The following DOCK9 variants were observed in gnomAD, a reference collection of about 807,000 sequenced individuals.
The protein encoded by DOCK9 is dedicator of cytokinesis protein 9.
A neutral mutation model predicts 263.3 loss-of-function variants in DOCK9; 89 were observed. The observed-to-expected ratio is 0.34, with a 90% CI of 0.28 to 0.40. DOCK9 has a LOEUF of 0.40. Among genes scored for constraint, DOCK9 ranks in the 10% least tolerant of loss-of-function variants. DOCK9 has a pLI of 1.00. For synonymous variants in DOCK9, 976 were observed against 973.1 expected (o/e 1.00, Z -0.06); for missense variants, 2,140 against 2,603.4 (o/e 0.82, Z 3.87).
At chr13:99,079,115 T>C (rs918745385) in intron 1 of DOCK9, among the ~76,000 whole-genome samples, 1 of 152,264 alleles carries the variant, frequency 6.6e-6, no homozygotes. Context: ...ACAGCTTATG[T>C]CCATGTGAAT....
intron 1 of DOCK9, among the ~76,000 whole-genome samples, chr13:99,011,742 C>T (rs1026819994): frequency 3.3e-5 from 5 of 152,060 alleles, no homozygotes; most frequent in African/African-American, 9.7e-5. Flanking sequence ...AGTAAATTAC[C>T]CAAAGTCACA....
In DOCK9 at chr13:99,013,873, C is replaced by T. The variant is rs553037825; in HGVS notation, c.130-58322G>A. On this transcript the variant is annotated intron_variant, in intron 1 of 32. Transcript: ENST00000427887. ...TCGTTTTCAGAGGGCCACTCTGCTG[C>T]GTGCAGAAGAGGTCCCAGAGGGCAA... Among the ~76,000 whole-genome samples, 149 of 152,278 alleles carry T rather than the reference C, an allele frequency of 9.8e-4. 2 individuals are homozygous for T. Among genetic ancestry groups the T allele is most frequent in the African/African-American group, 3.4e-3 (142 of 41,550 alleles).
At chr13:99,009,084 T>C (rs982943578) in intron 1 of DOCK9, among the ~76,000 whole-genome samples, 3 of 152,232 alleles carry the variant, frequency 2.0e-5, no homozygotes, top group African/African-American at 7.2e-5. Flanking sequence ...GTTTCTACAA[T>C]AAGTGTGCAT....
At chr13:98,811,713 T>C (rs1481468583) in intron 45 of DOCK9, among the ~76,000 whole-genome samples, 2 of 152,242 alleles carry the variant, frequency 1.3e-5, no homozygotes, top group Admixed American at 6.5e-5. Flanking sequence ...TATGCCTATG[T>C]CTAGGTTTTC....
intron 23 of DOCK9, 132 bp from the exon 24 acceptor site, chr13:98,882,139 T>C (rs183478361): frequency 2.8e-4 from 203 of 733,716 alleles, no homozygotes; most frequent in Admixed American, 1.5e-3. Flanking sequence ...GGGCAGAATG[T>C]CCCCAGAGGC....
chr13:98,812,080 G>C (rs1003518867), intron 45 of DOCK9, among the ~76,000 whole-genome samples: 2 of 139,212 alleles, frequency 1.4e-5, no homozygotes, highest in Non-Finnish European at 3.0e-5. Flanking sequence ...TGGACTCTCT[G>C]TTTTGTTCCA....
At chr13:98,989,751 G>T (rs1220381787) in intron 1 of DOCK9, among the ~76,000 whole-genome samples, 9 of 152,140 alleles carry the variant, frequency 5.9e-5, no homozygotes, top group South Asian at 4.1e-4. Context: ...GGTAGACGTT[G>T]ACTCATTAAT....
At chr13:98,957,373 GATTTAAC>G (rs2058173081) in intron 1 of DOCK9, among the ~76,000 whole-genome samples, 1 of 152,036 alleles carries the variant, frequency 6.6e-6, no homozygotes, top group Admixed American at 6.6e-5. Flanking sequence ...CCAATTACTT[GATTTAAC>G]AACACTCTAC....
chr13:99,012,114 C>T (rs960936479), intron 1 of DOCK9, among the ~76,000 whole-genome samples: 3 of 152,200 alleles, frequency 2.0e-5, no homozygotes, highest in African/African-American at 7.2e-5. Context: ...CAGCGCCCAG[C>T]CCAGAATCAG....
At chr13:98,806,497 T>C (rs958120335) in intron 48 of DOCK9, among the ~76,000 whole-genome samples, 1 of 152,216 alleles carries the variant, frequency 6.6e-6, no homozygotes, top group Non-Finnish European at 1.5e-5. Flanking sequence ...ACCATACTGG[T>C]ATAAGGCAGG....
chr13:98,915,517 A>T lies in DOCK9; in HGVS notation c.718-14T>A. The stretch of plus-strand genomic sequence containing the variant: ...GACTTTGTTGTTCTGAAATGAAAAA[A>T]GGATAAACAGACATACTTTAAAAGA... On this transcript the variant is annotated splice_polypyrimidine_tract_variant and intron_variant, in intron 7 of 52. Transcript: ENST00000682017. 1 of 1,603,092 alleles carries T rather than the reference A, an allele frequency of 6.2e-7. No homozygotes were observed. The highest frequency in any genetic ancestry group is 8.5e-7 in the Non-Finnish European group (1 of 1,175,812).
intron 1 of DOCK9, chr13:99,015,779 A>T: frequency 7.7e-7 from 1 of 1,302,020 alleles, no homozygotes; most frequent in Non-Finnish European, 9.7e-7. Flanking sequence ...CTCCTGCTCA[A>T]CAGCCTGACA....
chr13:99,080,230 C>T (rs1596059734), intron 1 of DOCK9, among the ~76,000 whole-genome samples: 3 of 151,696 alleles, frequency 2.0e-5, no homozygotes, highest in Non-Finnish European at 4.4e-5. Flanking sequence ...TCACCATATC[C>T]GACTACTGCT....
intron 43 of DOCK9, among the ~76,000 whole-genome samples, chr13:98,827,976 TAGTTAA>T (rs373730026): frequency 2.6e-4 from 40 of 152,336 alleles, no homozygotes; most frequent in African/African-American, 9.6e-4. Context: ...TAGGTGTAAT[TAGTTAA>T]GATGAGGTCA....
At chr13:98,905,466 C>A (rs1178390499) in intron 9 of DOCK9, among the ~76,000 whole-genome samples, 1 of 151,994 alleles carries the variant, frequency 6.6e-6, no homozygotes, top group East Asian at 1.9e-4. Context: ...TTTGGAAGGA[C>A]AAGAACACTT....
intron 26 of DOCK9, 61 bp from the exon 27 acceptor site, chr13:98,880,030 C>A: frequency 7.9e-7 from 1 of 1,259,764 alleles, no homozygotes; most frequent in Non-Finnish European, 1.1e-6. Flanking sequence ...AAGACATGAA[C>A]TCTCTCAGGC....
intron 1 of DOCK9, among the ~76,000 whole-genome samples, chr13:99,063,740 A>G (rs2041297175): frequency 6.6e-6 from 1 of 152,238 alleles, no homozygotes; most frequent in African/African-American, 2.4e-5. Flanking sequence ...TACAAAATAT[A>G]AGCCCCAAAT....
intron 1 of DOCK9, among the ~76,000 whole-genome samples, chr13:99,069,676 C>G (rs879440650): frequency 5.9e-5 from 9 of 152,208 alleles, no homozygotes; most frequent in Admixed American, 2.0e-4. Flanking sequence ...CAGATGACCA[C>G]CAAAGATGAC....
intron 36 of DOCK9, among the ~76,000 whole-genome samples, chr13:98,849,528 T>A (rs919255006): frequency 6.6e-6 from 1 of 152,116 alleles, no homozygotes; most frequent in Non-Finnish European, 1.5e-5. Flanking sequence ...GTTCTGAATT[T>A]GGAAAATCAT....
Sources: gnomAD v4.1 joint callset for allele counts (sites outside exome capture counted in the v4.1 genomes callset) on GRCh38, gnomAD v4.1.1 for gene constraint, MANE v1.5 for transcripts, NCBI Gene and HGNC (gene_info 2026-07-23, HGNC 2026-07-21) for gene names.